The following PRDM16 variants were observed in gnomAD, a reference collection of about 807,000 sequenced individuals.
PRDM16 encodes the protein histone-lysine N-methyltransferase PRDM16.
PRDM16 carries 23 observed loss-of-function variants against 110.6 expected under a neutral mutation model. The observed-to-expected ratio is 0.21, with a 90% CI of 0.15 to 0.29. The LOEUF (loss-of-function observed/expected upper bound fraction) is 0.29, where lower values mean the gene tolerates loss of function less well. Ranked by LOEUF, PRDM16 falls within the 10% of genes least tolerant of loss-of-function variation. The pLI, the probability that PRDM16 is intolerant of heterozygous loss-of-function variation, is 1.00. For missense variants in PRDM16, 1,615 were observed against 1,794.3 expected (o/e 0.90, Z 1.81); for synonymous variants, 799 against 781.8 (o/e 1.02, Z -0.37).
chr1:3,423,403 G>A (rs951789197), intron 12 of PRDM16, among the ~76,000 whole-genome samples: 21 of 152,280 alleles, frequency 1.4e-4, no homozygotes, highest in African/African-American at 4.3e-4. Context: ...AGGCCCCTGC[G>A]GGTGTGTTGA....
At chr1:3,100,074 G>A (rs537578248) in intron 1 of PRDM16, among the ~76,000 whole-genome samples, 7 of 152,292 alleles carry the variant, frequency 4.6e-5, no homozygotes, top group South Asian at 2.1e-4. Flanking sequence ...GGAGAGGCCC[G>A]GCACTGCCCT....
chr1:3,349,681 C>G (rs1180440878), intron 3 of PRDM16, among the ~76,000 whole-genome samples: 1 of 152,186 alleles, frequency 6.6e-6, no homozygotes, highest in African/African-American at 2.4e-5. Context: ...TGGTAGCTTC[C>G]CCTCCCTCCC....
intron 1 of PRDM16, among the ~76,000 whole-genome samples, chr1:3,137,179 C>T (rs1213727851): frequency 6.6e-6 from 1 of 152,244 alleles, no homozygotes; most frequent in Non-Finnish European, 1.5e-5. Flanking sequence ...CCGGCATCCC[C>T]TCCTCAGCCC....
chr1:3,359,699 T>TC lies in PRDM16; in HGVS notation c.439-25448dup, dbSNP rs1209386475. Among the ~76,000 whole-genome samples, 1 of 151,974 alleles carries TC rather than the reference T, an allele frequency of 6.6e-6. No homozygotes were observed. The highest frequency in any genetic ancestry group is 2.4e-5 in the African/African-American group (1 of 41,366). On this transcript the variant is annotated intron_variant, in intron 3 of 16. Transcript: ENST00000270722. This position sits in a 1 kb window ranked among gnomAD's most constrained non-coding sequence, Gnocchi z 4.3. ...AAATTTTTGGCAATCTTGACTTCTT[T>TC]CCCCCTTGGAAAAAAAGCGTCCTCT...
chr1:3,199,669 C>T (rs1221665841), intron 2 of PRDM16, among the ~76,000 whole-genome samples: 1 of 152,178 alleles, frequency 6.6e-6, no homozygotes. Flanking sequence ...CTCTGATGAG[C>T]CTCTCTAGTG....
intron 3 of PRDM16, among the ~76,000 whole-genome samples, chr1:3,292,971 C>T (rs901891511): frequency 1.3e-5 from 2 of 152,248 alleles, no homozygotes; most frequent in South Asian, 2.1e-4. Context: ...CACTCCGCTC[C>T]GGGCATGACC....
chr1:3,274,103 G>A (rs1640529411), intron 3 of PRDM16, among the ~76,000 whole-genome samples: 1 of 152,048 alleles, frequency 6.6e-6, no homozygotes, highest in Non-Finnish European at 1.5e-5. Flanking sequence ...AGAAAGAAGG[G>A]AGGAAAAGAC....
Position 3,425,840 on chromosome 1 carries a change from G to C in PRDM16, c.3109+90G>C. The C allele has an allele frequency of 6.6e-7, 1 of 1,509,700 alleles. No homozygotes were observed. Among genetic ancestry groups the C allele is most frequent in the Non-Finnish European group, 9.0e-7 (1 of 1,106,144 alleles). 93.5% of individuals were successfully genotyped at this position (1,509,700 alleles called of 1,614,324 possible). A position where few individuals can be genotyped will look rare whatever the true frequency, so the allele number is the denominator to read the frequency against. ...GGGGAACAGCAGGGGAGTGGGCGCCGGGCAGGGAAGAGGGCCACAGACTAC... is the reference window on the plus strand; with the variant it reads ...GGGGAACAGCAGGGGAGTGGGCGCCCGGCAGGGAAGAGGGCCACAGACTAC... On this transcript the variant is annotated intron_variant, in intron 13 of 16. Transcript: ENST00000270722. The surrounding 1 kb of genome is among the most constrained non-coding windows in gnomAD (Gnocchi z 6.9).
rs1375678644 is a variant in PRDM16 at position 3,290,263 on chromosome 1, G to A, written c.438+46126G>A. 3.3e-5 allele frequency among the ~76,000 whole-genome samples: 5 copies of A among 152,200 alleles called. No individual in the cohort carries two copies. The highest frequency in any genetic ancestry group is 7.3e-5 in the Non-Finnish European group (5 of 68,030). On this transcript the variant is annotated intron_variant, in intron 3 of 16. Transcript: ENST00000270722. The surrounding 1 kb of genome is among the most constrained non-coding windows in gnomAD (Gnocchi z 4.8). ...TAGACATGGGAAGGAAGGAGCGACG[G>A]GGTGGGAGGGATCTGCCTGCCAGCC...
intron 1 of PRDM16, among the ~76,000 whole-genome samples, chr1:3,181,870 A>G (rs1300301657): frequency 1.0e-5 from 1 of 100,288 alleles, no homozygotes; most frequent in African/African-American, 3.3e-5. Flanking sequence ...GCAGTCTTAC[A>G]CACGGTCTTG....
intron 1 of PRDM16, among the ~76,000 whole-genome samples, chr1:3,177,431 C>A (rs1329623413): frequency 1.3e-5 from 2 of 152,228 alleles, no homozygotes; most frequent in African/African-American, 4.8e-5. Context: ...GAACATCTCC[C>A]AGCTCGTTCC....
chr1:3,154,695 C>T (rs1429389832), intron 1 of PRDM16, among the ~76,000 whole-genome samples: 7 of 152,120 alleles, frequency 4.6e-5, no homozygotes, highest in African/African-American at 1.2e-4. Context: ...GTGCTGGTCG[C>T]GGTGGAGGAA....
intron 3 of PRDM16, among the ~76,000 whole-genome samples, chr1:3,295,395 G>A (rs778234150): frequency 1.3e-5 from 2 of 152,120 alleles, no homozygotes; most frequent in Non-Finnish European, 2.9e-5. Context: ...CTGGTCCCTC[G>A]GGACTTCCAT....
chr1:3,385,152 A>G lies in PRDM16; in HGVS notation c.439A>G (p.Ile147Val), dbSNP rs2100606126. The G allele has an allele frequency of 6.2e-7, 1 of 1,613,436 alleles. No individual in the cohort carries two copies. Among genetic ancestry groups the G allele is most frequent in the African/African-American group, 1.3e-5 (1 of 75,028 alleles). ...VSPQEGCITK[I>V]SEDLGSEKFC... ...TCCCGCTTCGCTTTCCTCCCAGCAG[A>G]TCTCCGAAGACCTGGGCAGTGAGAA... The change falls in exon 4 of 17, where the codon ATC becomes GTC. Residue 147 changes from isoleucine to valine, a missense_variant and splice_region_variant. Around this residue, in one of 5 missense-constraint regions of PRDM16, gnomAD observed 416 missense variants for 467.1 expected, o/e 0.89. Transcript: ENST00000270722.
chr1:3,237,526 T>A lies in PRDM16; in HGVS notation c.388-6561T>A, dbSNP rs1296343986. 1.2e-4 allele frequency among the ~76,000 whole-genome samples: 19 copies of A among 152,348 alleles called. 1 individual carries two copies. In the South Asian group the frequency reaches 3.9e-3, roughly 32 times the overall value. On this transcript the variant is annotated intron_variant, in intron 2 of 16. Coordinates refer to ENST00000270722, the MANE Select transcript of PRDM16 (RefSeq NM_022114.4). ...GACTAAATACTGTTTCCGTATTTTTTAAATGTCTCCAAGGCACTCTCCGTG... is the reference window on the plus strand; with the variant it reads ...GACTAAATACTGTTTCCGTATTTTTAAAATGTCTCCAAGGCACTCTCCGTG...
chr1:3,430,233 T>A (rs1569785326), intron 14 of PRDM16, among the ~76,000 whole-genome samples: 1 of 152,206 alleles, frequency 6.6e-6, no homozygotes, highest in East Asian at 1.9e-4. Flanking sequence ...TTGTTCTTTT[T>A]TATTTAATAC....
intron 3 of PRDM16, among the ~76,000 whole-genome samples, chr1:3,325,966 G>GCCC (rs1557610474): frequency 1.4e-4 from 21 of 146,808 alleles, no homozygotes; most frequent in African/African-American, 4.9e-4. Context: ...ACGATCCTTG[G>GCCC]TCCTCCTTGG....
chr1:3,363,154 C>T (rs1156629643), intron 3 of PRDM16, among the ~76,000 whole-genome samples: 2 of 152,164 alleles, frequency 1.3e-5, no homozygotes, highest in African/African-American at 4.8e-5. Context: ...TCAAAGTCCT[C>T]CAGCCCGGGG....
intron 1 of PRDM16, among the ~76,000 whole-genome samples, chr1:3,138,274 A>G (rs1643479703): frequency 6.6e-6 from 1 of 152,244 alleles, no homozygotes; most frequent in Non-Finnish European, 1.5e-5. Flanking sequence ...TTCAAGTTCA[A>G]CAATGGCTGC....
Sources: gnomAD v4.1 joint callset for allele counts (sites outside exome capture counted in the v4.1 genomes callset) on GRCh38, gnomAD v4.1.1 for gene constraint, gnomAD v4.1.1 regional missense constraint, Gnocchi (gnomAD v3.1) non-coding constraint, MANE v1.5 for transcripts, NCBI Gene and HGNC (gene_info 2026-07-23, HGNC 2026-07-21) for gene names.